Variants in METTL15 observed in about 807,000 individuals in gnomAD.
The protein encoded by METTL15 is 12S rRNA N(4)-cytidine methyltransferase METTL15.
Under a neutral mutation model 38.3 loss-of-function variants are expected in METTL15, and 34 were observed. The observed-to-expected ratio is 0.89, with a 90% CI of 0.68 to 1.18. The LOEUF is 1.18. Ranked by LOEUF, METTL15 falls within the 50% of genes most tolerant of loss-of-function variation. The pLI, the probability that METTL15 is intolerant of heterozygous loss-of-function variation, is 0.00. For synonymous variants in METTL15, 162 were observed against 170.9 expected, an observed-to-expected ratio of 0.95 and a Z score of 0.41; for missense variants, 438 against 498.4, an observed-to-expected ratio of 0.88 and a Z score of 1.15.
In METTL15 at chr11:28,521,562, A is replaced by G. The variant is rs573519677; in HGVS notation, c.*425-4916A>G. 1.8e-4 allele frequency among the ~76,000 whole-genome samples: 27 copies of G among 152,170 alleles called. No individual in the cohort carries two copies. In the East Asian group the frequency reaches 5.0e-3, roughly 28 times the overall value. On this transcript the variant is annotated intron_variant and NMD_transcript_variant, in intron 6 of 7. Transcript: ENST00000532947. ...AGGAAGGTAGGGCCGTGTGCTGAAT[A>G]TTTGATGTTTGTGGCCCTCCAGATT...
chr11:28,226,299 G>C (rs1853474694), intron 4 of METTL15, among the ~76,000 whole-genome samples: 2 of 151,866 alleles, frequency 1.3e-5, no homozygotes, highest in Admixed American at 6.6e-5. Context: ...TCTGTATTCT[G>C]CCATATCCTT....
At position 28,133,966 on chromosome 11, in the gene METTL15, T is replaced by G. The variant is rs571517412; in HGVS notation, c.270+20362T>G. On this transcript the variant is annotated intron_variant, in intron 3 of 6. Transcript: ENST00000407364. ...AAGGCAAAGTTTCAACTATGTTGAC[T>G]GCTCTAAAGGAAAGGTATGCATTAC... 2.0e-5 allele frequency among the ~76,000 whole-genome samples: 3 copies of G among 152,346 alleles called. No individual in the cohort carries two copies. The South Asian group carries it at 6.2e-4, about 32-fold the overall frequency.
intron 3 of METTL15, among the ~76,000 whole-genome samples, chr11:28,190,223 A>G (rs954258602): frequency 5.3e-5 from 8 of 151,242 alleles, no homozygotes; most frequent in African/African-American, 1.9e-4. Context: ...GGGGAAATGT[A>G]TGGTGTCTTT....
intron 4 of METTL15, among the ~76,000 whole-genome samples, chr11:28,288,720 T>A (rs1856390132): frequency 1.3e-5 from 2 of 152,194 alleles, no homozygotes; most frequent in African/African-American, 4.8e-5. Flanking sequence ...GATACTAGGC[T>A]TAATACCTGG....
chr11:28,216,650 G>T (rs905970235), intron 4 of METTL15, among the ~76,000 whole-genome samples: 8 of 151,686 alleles, frequency 5.3e-5, no homozygotes, highest in Admixed American at 5.3e-4. Flanking sequence ...CCATGTTGCT[G>T]TGCTGCACCC....
chr11:28,331,493 T>A lies in METTL15; in HGVS notation c.*652T>A, dbSNP rs1849814060. The A allele has an allele frequency of 6.6e-6, 1 of 152,096 alleles. No individual in the cohort carries two copies. Among genetic ancestry groups the A allele is most frequent in the African/African-American group, 2.4e-5 (1 of 41,452 alleles). 9.4% of individuals were successfully genotyped at this position (152,096 alleles called of 1,614,324 possible). On this transcript the variant is annotated 3_prime_UTR_variant, in exon 7 of 7. Transcript: ENST00000407364. ...TGTAAAATCCTTACAGAGAATTGTT[T>A]CACAAAACTTATATTTCATGTCAAT... is the stretch of plus-strand genomic sequence containing the variant.
chr11:28,397,789 T>G (rs1339807237), intron 5 of METTL15, among the ~76,000 whole-genome samples: 1 of 152,102 alleles, frequency 6.6e-6, no homozygotes, highest in Non-Finnish European at 1.5e-5. Context: ...CACATGCACA[T>G]GTATGTTTAT....
chr11:28,406,217 A>G (rs1850672591), intron 5 of METTL15, among the ~76,000 whole-genome samples: 1 of 151,736 alleles, frequency 6.6e-6, no homozygotes, highest in Non-Finnish European at 1.5e-5. Context: ...CATTTTCACA[A>G]TATTTTCCAT....
chr11:28,154,645 G>C (rs1413419387), intron 3 of METTL15, among the ~76,000 whole-genome samples: 1 of 152,050 alleles, frequency 6.6e-6, no homozygotes, highest in African/African-American at 2.4e-5. Context: ...AAGTCTGTTG[G>C]CTTCTTTAAG....
At chr11:28,433,081 G>A (rs932323358) in intron 6 of METTL15, among the ~76,000 whole-genome samples, 16 of 151,722 alleles carry the variant, frequency 1.1e-4, no homozygotes, top group African/African-American at 2.7e-4. Flanking sequence ...ACACATTGAG[G>A]AACTGTCATT....
intron 5 of METTL15, among the ~76,000 whole-genome samples, chr11:28,389,963 T>G (rs1300583953): frequency 6.6e-6 from 1 of 152,142 alleles, no homozygotes; most frequent in East Asian, 1.9e-4. Context: ...GGTTTTGATT[T>G]GCATTTCTCT....
chr11:28,200,870 C>T (rs1013313094), intron 3 of METTL15, among the ~76,000 whole-genome samples: 7 of 152,076 alleles, frequency 4.6e-5, no homozygotes, highest in African/African-American at 1.4e-4. Context: ...AAATTGATTT[C>T]TTCTCTTCCT....
intron 6 of METTL15, among the ~76,000 whole-genome samples, chr11:28,328,874 A>G (rs1389854096): frequency 6.6e-6 from 1 of 151,944 alleles, no homozygotes; most frequent in African/African-American, 2.4e-5. Flanking sequence ...CCCTTATTAG[A>G]TGTATGATTT....
At chr11:28,213,465 A>G (rs966365975) in intron 4 of METTL15, among the ~76,000 whole-genome samples, 2 of 151,976 alleles carry the variant, frequency 1.3e-5, no homozygotes, top group African/African-American at 4.8e-5. Flanking sequence ...TTCTCTGGTA[A>G]CTTGCAAAAC....
At chr11:28,421,544 A>T (rs1245998629) in intron 5 of METTL15, among the ~76,000 whole-genome samples, 1 of 152,066 alleles carries the variant, frequency 6.6e-6, no homozygotes, top group Non-Finnish European at 1.5e-5. Flanking sequence ...GAGATGCAAA[A>T]ATCATTCAAC....
At chr11:28,224,730 G>A (rs1437239201) in intron 4 of METTL15, among the ~76,000 whole-genome samples, 1 of 151,570 alleles carries the variant, frequency 6.6e-6, no homozygotes, top group South Asian at 2.1e-4. Flanking sequence ...TATTCATATT[G>A]TTGATGATTT....
chr11:28,343,324 C>G (rs2133356013), intron 3 of METTL15, among the ~76,000 whole-genome samples: 1 of 152,054 alleles, frequency 6.6e-6, no homozygotes, highest in East Asian at 1.9e-4. Context: ...AGAGAATAAA[C>G]ATCAACTAGA....
chr11:28,486,337 G>A (rs1028366942), intron 6 of METTL15, among the ~76,000 whole-genome samples: 1 of 152,062 alleles, frequency 6.6e-6, no homozygotes, highest in Admixed American at 6.5e-5. Flanking sequence ...TCTTGGATCA[G>A]GCTCTCATGT....
chr11:28,235,324 T>C (rs1853902865), intron 4 of METTL15, among the ~76,000 whole-genome samples: 1 of 152,082 alleles, frequency 6.6e-6, no homozygotes, highest in Non-Finnish European at 1.5e-5. Flanking sequence ...TTAAAGTAGT[T>C]TTTTCCAATT....
Sources: allele counts gnomAD v4.1 joint callset (sites outside exome capture counted in the v4.1 genomes callset), GRCh38; gene constraint gnomAD v4.1.1; transcripts MANE v1.5; gene names NCBI Gene and HGNC (gene_info 2026-07-23, HGNC 2026-07-21).